PCDH15: variants seen among roughly 807,000 people sequenced by gnomAD.
PCDH15 encodes the protein protocadherin-15.
PCDH15 carries 129 observed loss-of-function variants against 178.5 expected under a neutral mutation model. That is an observed-to-expected ratio of 0.72 (90% confidence interval 0.63 to 0.84). PCDH15 has a LOEUF of 0.84. Among genes scored for constraint, PCDH15 ranks in the 40% least tolerant of loss-of-function variants. The pLI is 0.00. For missense variants in PCDH15, 2,230 were observed against 2,099.9 expected (o/e 1.06, Z -1.21); for synonymous variants, 800 against 732.0 (o/e 1.09, Z -1.50).
intron 2 of PCDH15, among the ~76,000 whole-genome samples, chr10:55,000,014 G>A (rs1165191397): frequency 6.6e-6 from 1 of 152,160 alleles, no homozygotes; most frequent in East Asian, 1.9e-4. Context: ...GAGGCAGGGC[G>A]AGATCACAGG....
At chr10:54,613,076 G>A (rs11004413) in intron 2 of PCDH15, among the ~76,000 whole-genome samples, 70,831 of 151,402 alleles carry the variant, frequency 0.47, 17,640 homozygotes, top group East Asian at 0.79. Flanking sequence ...CAAAAATACC[G>A]ATTCAGGGCT....
intron 2 of PCDH15, among the ~76,000 whole-genome samples, chr10:54,978,362 T>A (rs1839129788): frequency 6.6e-6 from 1 of 152,138 alleles, no homozygotes; most frequent in South Asian, 2.1e-4. Context: ...GTAAAAATCG[T>A]GCATGTTATA....
chr10:54,675,690 T>C (rs868212531), intron 1 of PCDH15, among the ~76,000 whole-genome samples: 4 of 152,298 alleles, frequency 2.6e-5, no homozygotes, highest in Admixed American at 1.3e-4. Flanking sequence ...TTCCTTTGTA[T>C]TCAGCGAACA....
chr10:53,940,347 A>T (rs2085943435), intron 24 of PCDH15, among the ~76,000 whole-genome samples: 1 of 152,164 alleles, frequency 6.6e-6, no homozygotes, highest in South Asian at 2.1e-4. Context: ...CATGAATTGT[A>T]TGTCTAATTT....
intron 21 of PCDH15, among the ~76,000 whole-genome samples, chr10:53,980,862 A>AT (rs879648778): frequency 4.0e-5 from 6 of 151,880 alleles, no homozygotes; most frequent in Non-Finnish European, 7.4e-5. Context: ...AAAGGAATCA[A>AT]TTTTTTTTGG....
chr10:54,337,237 T>C (rs934891405), intron 6 of PCDH15, among the ~76,000 whole-genome samples: 1 of 152,152 alleles, frequency 6.6e-6, no homozygotes, highest in African/African-American at 2.4e-5. Flanking sequence ...GACTTTGGAC[T>C]GTGAGCTTTT....
chr10:54,032,209 C>T, intron 18 of PCDH15, among the ~76,000 whole-genome samples: 1 of 151,768 alleles, frequency 6.6e-6, no homozygotes, highest in Non-Finnish European at 1.5e-5. Flanking sequence ...AAAATCTTCC[C>T]CTTATTTCCA....
At chr10:54,101,601 A>G (rs775953784) in intron 15 of PCDH15, among the ~76,000 whole-genome samples, 4 of 152,196 alleles carry the variant, frequency 2.6e-5, no homozygotes, top group African/African-American at 4.8e-5. Context: ...CACTTCTCCA[A>G]TGACAAAGTG....
intron 2 of PCDH15, among the ~76,000 whole-genome samples, chr10:55,049,046 T>C (rs10763176): frequency 0.54 from 82,449 of 151,700 alleles, 23,134 homozygotes; most frequent in East Asian, 0.75. Context: ...GCTGCACTCA[T>C]CCACTCAAAT....
At chr10:54,005,169 G>C (rs2092340833) in intron 20 of PCDH15, among the ~76,000 whole-genome samples, 1 of 152,078 alleles carries the variant, frequency 6.6e-6, no homozygotes, top group Non-Finnish European at 1.5e-5. Context: ...AATCAAAATT[G>C]ATTAAAGATA....
At chr10:54,364,655 T>G (rs1589049557) in intron 5 of PCDH15, among the ~76,000 whole-genome samples, 1 of 152,316 alleles carries the variant, frequency 6.6e-6, no homozygotes, top group African/African-American at 2.4e-5. Context: ...AGATAACTTT[T>G]GCATTAGTTT....
At chr10:55,493,962 C>A (rs531587271) in intron 2 of PCDH15, among the ~76,000 whole-genome samples, 1 of 151,790 alleles carries the variant, frequency 6.6e-6, no homozygotes, top group African/African-American at 2.4e-5. Context: ...TCATGATTTT[C>A]ATATTTGACA....
At chr10:54,853,143 C>T (rs1007019634) in intron 3 of PCDH15, among the ~76,000 whole-genome samples, 2 of 150,448 alleles carry the variant, frequency 1.3e-5, no homozygotes, top group Admixed American at 6.6e-5. Context: ...GCCTGTAATC[C>T]CCGCTACTTG....
At chr10:54,517,887 A>G (rs578196149) in intron 3 of PCDH15, among the ~76,000 whole-genome samples, 92 of 152,364 alleles carry the variant, frequency 6.0e-4, no homozygotes, top group Admixed American at 7.2e-4. Context: ...CAATCAAACT[A>G]GAACTCAAGA....
chr10:55,457,282 C>A (rs1175990821), intron 2 of PCDH15, among the ~76,000 whole-genome samples: 2 of 151,972 alleles, frequency 1.3e-5, no homozygotes, highest in Non-Finnish European at 2.9e-5. Context: ...ACAGAATAAT[C>A]AACTAAAATT....
At chr10:55,470,263 G>A (rs1347690083) in intron 2 of PCDH15, among the ~76,000 whole-genome samples, 9 of 151,642 alleles carry the variant, frequency 5.9e-5, no homozygotes, top group South Asian at 2.1e-4. Flanking sequence ...GCAGAATCTC[G>A]TGAACCCAGG....
intron 17 of PCDH15, among the ~76,000 whole-genome samples, chr10:54,076,374 G>A (rs994768363): frequency 6.6e-6 from 1 of 152,010 alleles, no homozygotes; most frequent in Non-Finnish European, 1.5e-5. Flanking sequence ...CATGTGTATG[G>A]AATCATTAAA....
At chr10:55,470,763 A>G (rs967747532) in intron 2 of PCDH15, among the ~76,000 whole-genome samples, 1 of 151,984 alleles carries the variant, frequency 6.6e-6, no homozygotes, top group Non-Finnish European at 1.5e-5. Flanking sequence ...CAATCAGACT[A>G]TCATACAAAG....
At chr10:54,557,991 C>T (rs1192212299) in intron 2 of PCDH15, among the ~76,000 whole-genome samples, 1 of 152,026 alleles carries the variant, frequency 6.6e-6, no homozygotes, top group African/African-American at 2.4e-5. Flanking sequence ...TATGTAGCCA[C>T]TCTGATATGA....
Sources: gnomAD v4.1 joint callset for allele counts (sites outside exome capture counted in the v4.1 genomes callset) on GRCh38, gnomAD v4.1.1 for gene constraint, MANE v1.5 for transcripts, NCBI Gene and HGNC (gene_info 2026-07-23, HGNC 2026-07-21) for gene names.